C1orf94: variants seen among roughly 807,000 people sequenced by gnomAD.
The protein encoded by C1orf94 is uncharacterized protein C1orf94.
A neutral mutation model predicts 53.6 loss-of-function variants in C1orf94; 45 were observed. The observed-to-expected ratio is 0.84, with a 90% CI of 0.66 to 1.08. The LOEUF is 1.08. Among genes scored for constraint, C1orf94 ranks in the 50% least tolerant of loss-of-function variants. The probability of loss-of-function intolerance (pLI) is 0.00; values close to 1 mark genes in which losing one functional copy is unlikely to be tolerated. For missense variants in C1orf94, 762 were observed against 738.9 expected, an observed-to-expected ratio of 1.03 and a Z score of -0.36; for synonymous variants, 304 against 296.1, an observed-to-expected ratio of 1.03 and a Z score of -0.27.
rs372307276 is a variant in C1orf94, at chr1:34,167,727, T to TA, written c.-251+557dup. Among the ~76,000 whole-genome samples, 431 of 152,034 alleles carry TA rather than the reference T, an allele frequency of 2.8e-3. 1 individual carries two copies. The highest frequency in any genetic ancestry group is 3.9e-3 in the Non-Finnish European group (267 of 67,968). On this transcript the variant is annotated intron_variant, in intron 1 of 6. Transcript: ENST00000373374. ...GAGGTGGAAACCCACACGTAACTGA[T>TA]ACCGTCAGACAGCGATAATCACCAT... is the stretch of plus-strand genomic sequence containing the variant.
chr1:34,180,827 T>C (rs1312371640), intron 1 of C1orf94, among the ~76,000 whole-genome samples: 1 of 152,222 alleles, frequency 6.6e-6, no homozygotes, highest in East Asian at 1.9e-4. Flanking sequence ...GGTAAGTGCA[T>C]TCTACAATTC....
At chr1:34,187,769 A>AC (rs1304813112) in intron 1 of C1orf94, among the ~76,000 whole-genome samples, 63 of 42,074 alleles carry the variant, frequency 1.5e-3, no homozygotes, top group Middle Eastern at 0.012. Context: ...GAATCCACCC[A>AC]CCCCCCCCCC....
At chr1:34,185,221 C>T (rs1172383764) in intron 1 of C1orf94, among the ~76,000 whole-genome samples, 1 of 151,996 alleles carries the variant, frequency 6.6e-6, no homozygotes. Context: ...GCTCTGTCAC[C>T]CAGGCTGGAG....
At position 34,168,485 on chromosome 1, in the gene C1orf94, G is replaced by A. The variant is rs12121838; in HGVS notation, c.-251+1314G>A. 2.0e-3 allele frequency among the ~76,000 whole-genome samples: 297 copies of A among 152,184 alleles called. 2 individuals are homozygous for A. The highest frequency in any genetic ancestry group is 3.5e-3 in the Admixed American group (54 of 15,280). ...CACATAGGGTCTATTAGGGGATGGC[G>A]AGGAGTTTGCATTTTATTCTTAGCC... On this transcript the variant is annotated intron_variant, in intron 1 of 6. Transcript: ENST00000373374.
chr1:34,187,436 C>T (rs536151208), intron 1 of C1orf94, among the ~76,000 whole-genome samples: 8 of 152,184 alleles, frequency 5.3e-5, no homozygotes, highest in African/African-American at 1.7e-4. Context: ...TCCCACTTCC[C>T]ATGTCCCCCT....
chr1:34,172,501 A>G (rs371751937), upstream of C1orf94, among the ~76,000 whole-genome samples: 64 of 152,306 alleles, frequency 4.2e-4, no homozygotes, highest in Middle Eastern at 3.4e-3. Flanking sequence ...AGATGAAGAA[A>G]TGTCAGAGAA....
chr1:34,203,404 G>A (rs1642745259), intron 4 of C1orf94, among the ~76,000 whole-genome samples: 1 of 152,112 alleles, frequency 6.6e-6, no homozygotes, highest in Non-Finnish European at 1.5e-5. Context: ...TGGGAGTACA[G>A]GGGTGAGCCA....
At chr1:34,168,228 T>C (rs183299763) in intron 1 of C1orf94, among the ~76,000 whole-genome samples, 1 of 152,214 alleles carries the variant, frequency 6.6e-6, no homozygotes, top group East Asian at 1.9e-4. Context: ...CAGTGAGCCA[T>C]GATCACACCA....
chr1:34,211,654 G>A (rs997122043), intron 5 of C1orf94, among the ~76,000 whole-genome samples: 13 of 152,236 alleles, frequency 8.5e-5, no homozygotes, highest in Middle Eastern at 3.4e-3. Flanking sequence ...CTCAATTGTC[G>A]TGTGTGGCCG....
upstream of C1orf94, among the ~76,000 whole-genome samples, chr1:34,172,072 G>T (rs1642153261): frequency 6.6e-6 from 1 of 152,196 alleles, no homozygotes; most frequent in Non-Finnish European, 1.5e-5. Flanking sequence ...TCCCGGCATG[G>T]AAGCTATGGA....
At chr1:34,174,475 A>T (rs1230601676), upstream of C1orf94, among the ~76,000 whole-genome samples, 4 of 152,218 alleles carry the variant, frequency 2.6e-5, no homozygotes, top group Non-Finnish European at 5.9e-5. Context: ...AATACCTCAG[A>T]TGTGACTGTA....
chr1:34,185,946 G>T (rs761653259), intron 1 of C1orf94, among the ~76,000 whole-genome samples: 69 of 152,142 alleles, frequency 4.5e-4, no homozygotes, highest in Non-Finnish European at 7.2e-4. Context: ...CCTTGCCTTT[G>T]CTCATGTTAT....
intron 6 of C1orf94, among the ~76,000 whole-genome samples, chr1:34,214,723 G>T (rs777600332): frequency 6.6e-6 from 1 of 152,186 alleles, no homozygotes; most frequent in Non-Finnish European, 1.5e-5. Flanking sequence ...CCACATGTCT[G>T]CAGAGGTCGG....
chr1:34,202,489 C>T (rs187364841), intron 4 of C1orf94, among the ~76,000 whole-genome samples: 190 of 152,276 alleles, frequency 1.2e-3, no homozygotes, highest in African/African-American at 4.3e-3. Context: ...CATGTGCATG[C>T]GTGCGCACAC....
In C1orf94 at chr1:34,209,881, A is replaced by G. The variant is rs564259780; in HGVS notation, c.1524+1647A>G. ...TATGTGTATGCATGCATGCATGTGT[A>G]TGTATTTGAAAAAAGTAATATAAAA... On this transcript the variant is annotated intron_variant, in intron 5 of 6. Transcript: ENST00000488417. 1.2e-4 allele frequency among the ~76,000 whole-genome samples: 18 copies of G among 152,324 alleles called. No individual in the cohort carries two copies. The South Asian group carries it at 3.7e-3, about 32-fold the overall frequency.
chr1:34,186,007 T>C (rs182679362), intron 1 of C1orf94, among the ~76,000 whole-genome samples: 2 of 152,364 alleles, frequency 1.3e-5, no homozygotes, highest in African/African-American at 4.8e-5. Context: ...CTAAATCTTA[T>C]CCATCCTTAA....
At position 34,177,969 on chromosome 1, in the gene C1orf94, C is replaced by T. The variant is rs1468473854; in HGVS notation, c.180C>T (p.Asp60=). The T allele has an allele frequency of 6.4e-7, 1 of 1,551,780 alleles. No individual in the cohort carries two copies. The highest frequency in any genetic ancestry group is 1.2e-5 in the South Asian group (1 of 84,066). ...GGATCCACCAGGACACACCCCAAGA[C>T]AGCCTAGACAAGACTTGCCATGAAA... The part of the protein sequence containing the change: ...YIWIHQDTPQ[D]SLDKTCHEIW... Residue 60 remains aspartate (D), a synonymous_variant, in exon 1 of 7, where the codon GAC becomes GAT. Transcript: ENST00000488417.
chr1:34,216,839 G>A (rs1285486917), intron 6 of C1orf94, among the ~76,000 whole-genome samples: 1 of 152,170 alleles, frequency 6.6e-6, no homozygotes, highest in East Asian at 1.9e-4. Context: ...AGCACTTTGG[G>A]AGGCCAAGGC....
At chr1:34,188,786 A>C (rs1677765) in intron 1 of C1orf94, among the ~76,000 whole-genome samples, 21,457 of 151,902 alleles carry the variant, frequency 0.14, 2,237 homozygotes, top group African/African-American at 0.29. Context: ...TAGTCCCCTG[A>C]CTCCTATCAG....
Sources: allele counts gnomAD v4.1 joint callset (sites outside exome capture counted in the v4.1 genomes callset), GRCh38; gene constraint gnomAD v4.1.1; transcripts MANE v1.5; gene names NCBI Gene and HGNC (gene_info 2026-07-23, HGNC 2026-07-21).